The following ZHX3 variants were observed in gnomAD, a reference collection of about 807,000 sequenced individuals.
ZHX3 encodes the protein zinc fingers and homeoboxes protein 3.
ZHX3 carries 20 observed loss-of-function variants against 64.5 expected under a neutral mutation model. The ratio of observed to expected loss-of-function variants is 0.31; its 90% CI spans 0.22 to 0.45. The LOEUF (loss-of-function observed/expected upper bound fraction) is 0.45. Among genes scored for constraint, ZHX3 ranks in the 20% least tolerant of loss-of-function variants. The pLI, the probability that ZHX3 is intolerant of heterozygous loss-of-function variation, is 1.00. For synonymous variants in ZHX3, 423 were observed against 461.6 expected (o/e 0.92, Z 1.07); for missense variants, 1,041 against 1,195.8 (o/e 0.87, Z 1.91).
At chr20:41,303,687 C>T (rs931390005) in intron 1 of ZHX3, among the ~76,000 whole-genome samples, 3 of 152,322 alleles carry the variant, frequency 2.0e-5, no homozygotes, top group African/African-American at 4.8e-5. Context: ...GCCCCTCCAT[C>T]CACAGAAGAG....
At position 41,204,191 on chromosome 20, in the gene ZHX3, T is replaced by C. The variant is rs771556472; in HGVS notation, c.726A>G (p.Ala242=). The C allele has an allele frequency of 3.7e-6, 6 of 1,610,662 alleles. No homozygotes were observed. Among genetic ancestry groups the C allele is most frequent in the South Asian group, 3.3e-5 (3 of 90,522 alleles). The part of the protein sequence containing the change: ...FINGAVPVSQ[A]SASSAKNPHA... ...GGGGGTTTTTTGCAGAGCTGGCAGA[T>C]GCCTGGCTGACTGGAACTGCCCCAT... The change falls in exon 3 of 4, where the codon GCA becomes GCG. Residue 242 remains alanine (A), a synonymous_variant. Coordinates refer to ENST00000683867, the MANE Select transcript of ZHX3 (RefSeq NM_001384317.1). This position sits in a 1 kb window ranked among gnomAD's most constrained non-coding sequence, Gnocchi z 6.6.
At chr20:41,231,222 T>C (rs1345607649) in intron 2 of ZHX3, among the ~76,000 whole-genome samples, 9 of 152,258 alleles carry the variant, frequency 5.9e-5, no homozygotes, top group Non-Finnish European at 1.5e-5. Context: ...TTTTTAAAAA[T>C]GTGGCTCCTA....
At chr20:41,187,620 T>C (rs2146113314) in intron 3 of ZHX3, among the ~76,000 whole-genome samples, 1 of 152,310 alleles carries the variant, frequency 6.6e-6, no homozygotes, top group East Asian at 1.9e-4. Context: ...TTTTATTCCA[T>C]TGGTTTTGTA....
Position 41,180,337 on chromosome 20 carries a change from G to A in ZHX3, c.*4854C>T, listed in dbSNP as rs2036202559. The A allele has an allele frequency of 6.6e-6, 1 of 152,616 alleles. No individual in the cohort carries two copies. Among genetic ancestry groups the A allele is most frequent in the Admixed American group, 6.5e-5 (1 of 15,286 alleles). The allele number at this position is 152,616 out of a possible 1,614,324, so 9.5% of individuals were successfully genotyped here. On this transcript the variant is annotated 3_prime_UTR_variant, in exon 4 of 4. Transcript: ENST00000683867. Reference sequence around the variant, plus strand: ...TGCGAACCCAAAGATAGAACTTTCAGAAATTGAGGAAGGGGGTGCTTTCCC... The same window carrying A: ...TGCGAACCCAAAGATAGAACTTTCAAAAATTGAGGAAGGGGGTGCTTTCCC...
At chr20:41,250,290 C>T (rs754205785) in intron 2 of ZHX3, among the ~76,000 whole-genome samples, 4 of 152,162 alleles carry the variant, frequency 2.6e-5, no homozygotes, top group Non-Finnish European at 5.9e-5. Flanking sequence ...AATCCCAGCT[C>T]ACATGCTGCA....
Position 41,203,772 on chromosome 20 carries a change from G to C in ZHX3, c.1145C>G (p.Ser382Cys), listed in dbSNP as rs750139761. 3.7e-6 allele frequency: 6 copies of C among 1,614,264 alleles called. No individual in the cohort carries two copies. Among genetic ancestry groups the C allele is most frequent in the Non-Finnish European group, 5.1e-6 (6 of 1,180,050 alleles). ...RKKMFNTVIQ[S>C]VPQPTITVLN... The stretch of plus-strand genomic sequence containing the variant: ...AACCGTAATTGTGGGCTGAGGCACA[G>C]ACTGGATGACTGTATTGAACATCTT... The change falls in exon 3 of 4, where the codon TCT becomes TGT. Residue 382 changes from serine to cysteine, a missense_variant. Around this residue, in one of 4 missense-constraint regions of ZHX3, gnomAD observed 649 missense variants for 739.8 expected, o/e 0.88. Coordinates refer to ENST00000683867, the MANE Select transcript of ZHX3 (RefSeq NM_001384317.1). This position sits in a 1 kb window ranked among gnomAD's most constrained non-coding sequence, Gnocchi z 7.1.
At position 41,204,392 on chromosome 20, in the gene ZHX3, T is replaced by C. The variant is rs369826672; in HGVS notation, c.525A>G (p.Gly175=). The C allele has an allele frequency of 3.0e-5, 48 of 1,614,088 alleles. No homozygotes were observed. The highest frequency in any genetic ancestry group is 4.0e-5 in the Non-Finnish European group (47 of 1,180,046). Residue 175 remains glycine, a synonymous_variant, in exon 3 of 4, where the codon GGA becomes GGG. Transcript: ENST00000683867. This position sits in a 1 kb window ranked among gnomAD's most constrained non-coding sequence, Gnocchi z 6.6. ...AGEPSAEGAD[G]QAEIIITKTP... ...TTTTGGTAATGATGATTTCTGCCTG[T>C]CCATCAGCCCCTTCAGCACTGGGCT...
chr20:41,288,946 GA>G (rs2146730993), intron 1 of ZHX3, among the ~76,000 whole-genome samples: 1 of 143,010 alleles, frequency 7.0e-6, no homozygotes, highest in East Asian at 1.9e-4. Flanking sequence ...AAACTTTTTA[GA>G]AGAATCAGCC....
chr20:41,238,263 G>A (rs1388660607), intron 2 of ZHX3, among the ~76,000 whole-genome samples: 1 of 152,178 alleles, frequency 6.6e-6, no homozygotes, highest in African/African-American at 2.4e-5. Context: ...AAAGTTAAAT[G>A]AAGCTTAACA....
chr20:41,189,499 C>G lies in ZHX3; in HGVS notation c.2861-4298G>C, dbSNP rs559129000. Among the ~76,000 whole-genome samples the G allele has an allele frequency of 9.9e-4, 150 of 152,270 alleles. 1 individual carries two copies. The highest frequency in any genetic ancestry group is 1.6e-3 in the Admixed American group (24 of 15,290). ...GATGTCTTTCCATTTGTGTCCTCTTCAGTTTCTTTCATCAGTGTTTTACAG... is the reference window on the plus strand; with the variant it reads ...GATGTCTTTCCATTTGTGTCCTCTTGAGTTTCTTTCATCAGTGTTTTACAG... On this transcript the variant is annotated intron_variant, in intron 3 of 3. Coordinates refer to ENST00000683867, the MANE Select transcript of ZHX3 (RefSeq NM_001384317.1).
intron 2 of ZHX3, among the ~76,000 whole-genome samples, chr20:41,230,582 C>T (rs576863766): frequency 2.1e-4 from 32 of 152,168 alleles, no homozygotes; most frequent in Non-Finnish European, 3.7e-4. Context: ...TTCAAAGACT[C>T]AGTACCAAAA....
chr20:41,243,657 GA>G (rs1452579295), intron 2 of ZHX3, among the ~76,000 whole-genome samples: 3 of 152,132 alleles, frequency 2.0e-5, no homozygotes, highest in Non-Finnish European at 2.9e-5. Flanking sequence ...CCGTAGTGCT[GA>G]GGTTTGGGGC....
intron 1 of ZHX3, among the ~76,000 whole-genome samples, chr20:41,287,930 T>A (rs1003964627): frequency 6.6e-6 from 1 of 152,236 alleles, no homozygotes; most frequent in Non-Finnish European, 1.5e-5. Flanking sequence ...ATATAAAATA[T>A]CATGGGATGT....
intron 2 of ZHX3, among the ~76,000 whole-genome samples, chr20:41,245,997 C>T (rs2041667766): frequency 6.6e-6 from 1 of 152,222 alleles, no homozygotes; most frequent in Non-Finnish European, 1.5e-5. Flanking sequence ...TGGAACAGTA[C>T]TTCCCCTTGG....
At chr20:41,209,852 A>C (rs920475166) in intron 2 of ZHX3, among the ~76,000 whole-genome samples, 14 of 152,202 alleles carry the variant, frequency 9.2e-5, no homozygotes, top group African/African-American at 3.1e-4. Flanking sequence ...AATGGGATCT[A>C]ATTAAACTAA....
chr20:41,233,914 G>T (rs563154757), intron 2 of ZHX3, among the ~76,000 whole-genome samples: 2 of 152,322 alleles, frequency 1.3e-5, no homozygotes, highest in East Asian at 3.9e-4. Flanking sequence ...AGTCCCAAAG[G>T]TCTCCTTGAA....
chr20:41,203,049 T>C lies in ZHX3; in HGVS notation c.1868A>G (p.Gln623Arg). 6.2e-7 allele frequency: 1 copy of C among 1,614,216 alleles called. No homozygotes were observed. The highest frequency in any genetic ancestry group is 8.5e-7 in the Non-Finnish European group (1 of 1,180,028). ...PTKYKERAPE[Q>R]LRALESSFAQ... ...AAAACTGCTCTCCAGGGCTCTGAGCTGCTCAGGGGCTCTCTCCTTGTATTT... is the reference window on the plus strand; with the variant it reads ...AAAACTGCTCTCCAGGGCTCTGAGCCGCTCAGGGGCTCTCTCCTTGTATTT... The change falls in exon 3 of 4, where the codon CAG (glutamine) becomes CGG (arginine). Residue 623 changes from glutamine to arginine, a missense_variant. Transcript: ENST00000683867. The surrounding 1 kb of genome is among the most constrained non-coding windows in gnomAD (Gnocchi z 7.1).
chr20:41,253,783 T>A (rs949388006), intron 2 of ZHX3, among the ~76,000 whole-genome samples: 1 of 152,018 alleles, frequency 6.6e-6, no homozygotes, highest in African/African-American at 2.4e-5. Flanking sequence ...CATGCTGAAA[T>A]AGTGAGGGGG....
intron 3 of ZHX3, among the ~76,000 whole-genome samples, chr20:41,193,676 GGATTC>G (rs1437232690): frequency 6.7e-6 from 1 of 149,148 alleles, no homozygotes; most frequent in Non-Finnish European, 1.5e-5. Flanking sequence ...GTGTGTGTGT[GGATTC>G]AAGTTTTTTT....
Sources: gnomAD v4.1 joint callset for allele counts (sites outside exome capture counted in the v4.1 genomes callset) on GRCh38, gnomAD v4.1.1 for gene constraint, gnomAD v4.1.1 regional missense constraint, Gnocchi (gnomAD v3.1) non-coding constraint, MANE v1.5 for transcripts, NCBI Gene and HGNC (gene_info 2026-07-23, HGNC 2026-07-21) for gene names.